PTPRZ1: variants seen among roughly 807,000 people sequenced by gnomAD.
PTPRZ1 encodes receptor-type tyrosine-protein phosphatase zeta.
A neutral mutation model predicts 214.1 loss-of-function variants in PTPRZ1; 82 were observed. The ratio of observed to expected loss-of-function variants is 0.38; its 90% CI spans 0.32 to 0.46. The LOEUF (loss-of-function observed/expected upper bound fraction) is 0.46, where lower values mean the gene tolerates loss of function less well. Ranked by LOEUF, PTPRZ1 falls within the 20% of genes least tolerant of loss-of-function variation. The pLI, the probability that PTPRZ1 is intolerant of heterozygous loss-of-function variation, is 1.00. For synonymous variants in PTPRZ1, 945 were observed against 987.9 expected (o/e 0.96, Z 0.81); for missense variants, 2,603 against 2,748.7 (o/e 0.95, Z 1.19).
rs556092480 is a variant in PTPRZ1, at chr7:121,959,545, G to T, written c.125-8406G>T. Among the ~76,000 whole-genome samples, 6 of 152,302 alleles carry T rather than the reference G, an allele frequency of 3.9e-5. No homozygotes were observed. The East Asian group carries it at 1.2e-3, about 29-fold the overall frequency. On this transcript the variant is annotated intron_variant, in intron 2 of 29. Transcript: ENST00000393386. ...ATCCCTCTTCCTTTGCTTTGAGTCA[G>T]TTTATGTGATGGCATTTATCATTAA...
At chr7:121,930,876 G>A (rs1399571050) in intron 2 of PTPRZ1, among the ~76,000 whole-genome samples, 1 of 152,042 alleles carries the variant, frequency 6.6e-6, no homozygotes, top group Non-Finnish European at 1.5e-5. Flanking sequence ...TAATAATTAT[G>A]AGAAACATGT....
At chr7:121,908,682 A>C (rs377446896) in intron 1 of PTPRZ1, 4 of 470,322 alleles carry the variant, frequency 8.5e-6, no homozygotes, top group African/African-American at 4.1e-5. Context: ...ATAAATTGCT[A>C]TTCAAAATGG....
At chr7:121,934,889 T>A (rs1272577450) in intron 2 of PTPRZ1, among the ~76,000 whole-genome samples, 1 of 152,208 alleles carries the variant, frequency 6.6e-6, no homozygotes, top group East Asian at 1.9e-4. Flanking sequence ...CAGGGTTCAG[T>A]TAAGTGATCT....
At chr7:122,052,036 A>G in intron 25 of PTPRZ1, 97 bp downstream of exon 25, 1 of 878,834 alleles carries the variant, frequency 1.1e-6, no homozygotes, top group Non-Finnish European at 1.7e-6. Context: ...GCATGGGCAA[A>G]TGAGTGGTAA....
At chr7:121,933,615 A>G (rs991145959) in intron 2 of PTPRZ1, among the ~76,000 whole-genome samples, 1 of 152,178 alleles carries the variant, frequency 6.6e-6, no homozygotes, top group African/African-American at 2.4e-5. Context: ...ATTTCTGTAA[A>G]TAGAATATCC....
intron 13 of PTPRZ1, among the ~76,000 whole-genome samples, chr7:122,022,468 A>G (rs1214345314): frequency 6.6e-6 from 1 of 152,220 alleles, no homozygotes; most frequent in African/African-American, 2.4e-5. Context: ...GGCAGAAGGA[A>G]GAAGCTCCCC....
At chr7:121,961,066 AAT>A (rs1404581394) in intron 2 of PTPRZ1, among the ~76,000 whole-genome samples, 1 of 152,234 alleles carries the variant, frequency 6.6e-6, no homozygotes, top group Non-Finnish European at 1.5e-5. Context: ...TTGTAGTTTA[AAT>A]AAGTACAGTG....
At chr7:122,008,776 TG>T (rs1442693822) in intron 11 of PTPRZ1, among the ~76,000 whole-genome samples, 30 of 152,244 alleles carry the variant, frequency 2.0e-4, no homozygotes, top group African/African-American at 6.7e-4. Flanking sequence ...AACTCCACAC[TG>T]CCAAGCTTAA....
intron 13 of PTPRZ1, among the ~76,000 whole-genome samples, chr7:122,023,369 T>C (rs1433742952): frequency 1.3e-5 from 2 of 150,408 alleles, no homozygotes; most frequent in Non-Finnish European, 1.5e-5. Flanking sequence ...GGACTTGGTT[T>C]CTCCTGTTTA....
At chr7:121,874,438 G>A (rs1235104357) in intron 1 of PTPRZ1, among the ~76,000 whole-genome samples, 1 of 152,102 alleles carries the variant, frequency 6.6e-6, no homozygotes, top group African/African-American at 2.4e-5. Context: ...TTTCCATCGC[G>A]ATAGAATATA....
At chr7:122,001,851 A>G (rs763504653) in intron 10 of PTPRZ1, among the ~76,000 whole-genome samples, 1 of 152,238 alleles carries the variant, frequency 6.6e-6, no homozygotes, top group Non-Finnish European at 1.5e-5. Context: ...AACAAAAAAT[A>G]CTGATAGTTC....
intron 13 of PTPRZ1, among the ~76,000 whole-genome samples, chr7:122,027,775 C>T (rs1250439225): frequency 1.3e-5 from 2 of 152,012 alleles, no homozygotes; most frequent in African/African-American, 2.4e-5. Context: ...TCTTATTATC[C>T]GAATGAAAAT....
At position 121,983,767 on chromosome 7, in the gene PTPRZ1, C is replaced by T. The variant is rs2116568383; in HGVS notation, c.722C>T (p.Thr241Ile). 6.2e-7 allele frequency: 1 copy of T among 1,613,692 alleles called. No individual in the cohort carries two copies. Among genetic ancestry groups the T allele is most frequent in the Admixed American group, 1.7e-5 (1 of 60,000 alleles). ...GGCTCATTGACATCTCCTCCCTGCA[C>T]AGACACAGTTGACTGGATTGTTTTT... ...YNGSLTSPPC[T>I]DTVDWIVFKD... Residue 241 changes from threonine (T) to isoleucine (I), a missense_variant, in exon 7 of 30, where the codon ACA (threonine) becomes ATA (isoleucine). By Grantham distance (89) the Thr-to-Ile change is moderately conservative. Coordinates refer to ENST00000393386, the MANE Select transcript of PTPRZ1 (RefSeq NM_002851.3).
intron 15 of PTPRZ1, chr7:122,033,735 C>A: frequency 2.3e-5 from 5 of 215,944 alleles, no homozygotes; most frequent in Admixed American, 1.1e-4. Context: ...TCAAATAGTG[C>A]TACTATGGTC....
intron 2 of PTPRZ1, among the ~76,000 whole-genome samples, chr7:121,961,700 T>C (rs1053459155): frequency 8.5e-5 from 13 of 152,206 alleles, no homozygotes; most frequent in Admixed American, 7.9e-4. Context: ...ACAAAGTCTA[T>C]TTCACAAGCA....
At chr7:122,007,618 A>T (rs1369487758) in intron 11 of PTPRZ1, among the ~76,000 whole-genome samples, 1 of 152,138 alleles carries the variant, frequency 6.6e-6, no homozygotes, top group Non-Finnish European at 1.5e-5. Context: ...TATATTCATA[A>T]TGACTTTTAA....
In PTPRZ1 at chr7:122,036,632, G is replaced by T. The variant is rs1028893085; in HGVS notation, c.5317G>T (p.Ala1773Ser). The change falls in exon 18 of 30, where the codon GCT becomes TCT. Residue 1773 changes from alanine (A) to serine (S), a missense_variant. Around this residue, in one of 6 missense-constraint regions of PTPRZ1, gnomAD observed 1,913 missense variants for 1,914.3 expected, o/e 1.00. Transcript: ENST00000393386. ...TAGCAGGGTTAAGCTAGCACAGCTT[G>T]CTGAAAAGGATGGCAAACTGACTGA... is the stretch of plus-strand genomic sequence containing the variant. ...DHSRVKLAQL[A>S]EKDGKLTDYI... is the part of the protein sequence containing the mutation. 6.2e-7 allele frequency: 1 copy of T among 1,609,282 alleles called. No homozygotes were observed. Among genetic ancestry groups the T allele is most frequent in the Non-Finnish European group, 8.5e-7 (1 of 1,175,700 alleles).
chr7:122,043,055 C>T (rs1222593955), intron 22 of PTPRZ1, among the ~76,000 whole-genome samples: 1 of 152,186 alleles, frequency 6.6e-6, no homozygotes, highest in Non-Finnish European at 1.5e-5. Context: ...AAATTTTCCT[C>T]CTCTTATAAG....
Position 122,039,504 on chromosome 7 carries a change from C to T in PTPRZ1, c.5553C>T (p.Asn1851=), listed in dbSNP as rs1481867160. 3.7e-6 allele frequency: 6 copies of T among 1,613,896 alleles called. No homozygotes were observed. Among genetic ancestry groups the T allele is most frequent in the Admixed American group, 1.7e-5 (1 of 59,994 alleles). ...CCGATGGGAGTGAGGAGTACGGGAA[C>T]TTTCTGGTCACTCAGAAGAGTGTGC... The part of the protein sequence containing the change: ...WPADGSEEYG[N]FLVTQKSVQV... Residue 1851 remains asparagine, a synonymous_variant, in exon 20 of 30, where the codon AAC becomes AAT. Transcript: ENST00000393386.
Sources: allele counts gnomAD v4.1 joint callset (sites outside exome capture counted in the v4.1 genomes callset), GRCh38; gene constraint gnomAD v4.1.1; regional missense constraint gnomAD v4.1.1; transcripts MANE v1.5; gene names NCBI Gene and HGNC (gene_info 2026-07-23, HGNC 2026-07-21).